SYT14: variants seen among roughly 807,000 people sequenced by gnomAD.
The protein encoded by SYT14 is synaptotagmin 14.
In SYT14, 32 loss-of-function variants were observed where a neutral mutation model predicts 74.2. The ratio of observed to expected loss-of-function variants is 0.43; its 90% CI spans 0.33 to 0.58. The LOEUF (loss-of-function observed/expected upper bound fraction) is 0.58, where lower values mean the gene tolerates loss of function less well. SYT14 is among the 20% of genes least tolerant of loss of function. The pLI is 0.05. For missense variants in SYT14, 791 were observed against 981.8 expected, an observed-to-expected ratio of 0.81 and a Z score of 2.60; for synonymous variants, 298 against 337.7, an observed-to-expected ratio of 0.88 and a Z score of 1.29.
chr1:210,142,182 C>T (rs1400582694), intron 7 of SYT14, among the ~76,000 whole-genome samples: 1 of 152,130 alleles, frequency 6.6e-6, no homozygotes, highest in African/African-American at 2.4e-5. Context: ...CCCATTCTTC[C>T]CCCCTCCAGC....
chr1:209,989,698 T>C (rs2079630961), intron 2 of SYT14, among the ~76,000 whole-genome samples: 1 of 152,170 alleles, frequency 6.6e-6, no homozygotes, highest in Non-Finnish European at 1.5e-5. Flanking sequence ...TATATTACTT[T>C]TTGAGCATGT....
chr1:209,949,340 C>T (rs185743376), intron 1 of SYT14, among the ~76,000 whole-genome samples: 6 of 151,970 alleles, frequency 3.9e-5, no homozygotes, highest in South Asian at 4.2e-4. Flanking sequence ...TATGGGAGGC[C>T]GAGGCGGGCG....
At chr1:209,962,226 T>G (rs1369118310) in intron 2 of SYT14, among the ~76,000 whole-genome samples, 1 of 151,908 alleles carries the variant, frequency 6.6e-6, no homozygotes, top group Non-Finnish European at 1.5e-5. Flanking sequence ...CTCTTATTTA[T>G]GCCATTTTCG....
chr1:210,076,019 T>C (rs569726348), intron 5 of SYT14, among the ~76,000 whole-genome samples: 2 of 152,342 alleles, frequency 1.3e-5, no homozygotes, highest in Non-Finnish European at 2.9e-5. Flanking sequence ...GGCAGCATTC[T>C]ATCTTACTGG....
At chr1:209,978,180 C>T (rs886273694) in intron 2 of SYT14, among the ~76,000 whole-genome samples, 2 of 149,800 alleles carry the variant, frequency 1.3e-5, no homozygotes, top group African/African-American at 4.9e-5. Context: ...GTAGTTTGAT[C>T]GTCTGAAGCC....
chr1:209,975,516 T>A (rs1211341602), intron 2 of SYT14, among the ~76,000 whole-genome samples: 1 of 152,244 alleles, frequency 6.6e-6, no homozygotes, highest in African/African-American at 2.4e-5. Flanking sequence ...TTTATTGATT[T>A]GTGTATGTTG....
intron 5 of SYT14, 108 bp from the exon 5 acceptor site, chr1:210,094,214 G>T: frequency 7.1e-7 from 1 of 1,416,678 alleles, no homozygotes. Context: ...TAGTTATGTT[G>T]CCATCAATTT....
intron 7 of SYT14, among the ~76,000 whole-genome samples, chr1:210,150,449 T>C (rs1465807239): frequency 6.6e-6 from 1 of 152,178 alleles, no homozygotes; most frequent in Non-Finnish European, 1.5e-5. Context: ...GCAATCATGC[T>C]CTTTCTTCCT....
At chr1:210,126,308 C>T (rs538072399) in intron 7 of SYT14, among the ~76,000 whole-genome samples, 36 of 151,830 alleles carry the variant, frequency 2.4e-4, no homozygotes, top group African/African-American at 8.0e-4. Flanking sequence ...AACACGTTTA[C>T]CCCTGAGATA....
intron 5 of SYT14, among the ~76,000 whole-genome samples, chr1:210,022,403 A>G (rs1169260807): frequency 6.6e-6 from 1 of 152,228 alleles, no homozygotes; most frequent in African/African-American, 2.4e-5. Flanking sequence ...ACCCTCAAAA[A>G]TACATTTTAG....
At position 209,968,307 on chromosome 1, in the gene SYT14, G is replaced by A. The variant is rs192734835; in HGVS notation, c.-486+15551G>A. 1.4e-3 allele frequency among the ~76,000 whole-genome samples: 213 copies of A among 151,944 alleles called. 2 individuals carry two copies. The highest frequency in any genetic ancestry group is 5.0e-3 in the African/African-American group (206 of 41,538). ...TAGGGGTCACTCTTGGTGTTCTACAGTATAAGGGTTTTAACAAATGTGTAA... is the reference window on the plus strand; with the variant it reads ...TAGGGGTCACTCTTGGTGTTCTACAATATAAGGGTTTTAACAAATGTGTAA... On this transcript the variant is annotated intron_variant, in intron 2 of 9. Coordinates refer to ENST00000637265, the Ensembl canonical transcript of SYT14.
At chr1:210,082,566 A>G (rs113772956) in intron 5 of SYT14, among the ~76,000 whole-genome samples, 1,692 of 152,338 alleles carry the variant, frequency 0.011, 41 homozygotes, top group African/African-American at 0.038. Context: ...AGGCATAACT[A>G]TAAGACCTAC....
exon 10 of SYT14, chr1:210,164,396 T>C (rs2083433674): frequency 5.7e-6 from 1 of 174,272 alleles, no homozygotes; most frequent in South Asian, 1.3e-4. Context: ...TGCCCAGGGC[T>C]GTTTGTTAAA....
chr1:210,162,069 C>T (rs1265862392), exon 10 of SYT14: 3 of 440,642 alleles, frequency 6.8e-6, no homozygotes, highest in Admixed American at 4.9e-5. Context: ...TAAATCTTCA[C>T]TCTTACTTCA....
intron 2 of SYT14, among the ~76,000 whole-genome samples, chr1:209,999,935 A>G (rs1203466637): frequency 6.6e-6 from 1 of 152,172 alleles, no homozygotes; most frequent in Non-Finnish European, 1.5e-5. Context: ...AATGATAAAT[A>G]CCTGAGGTGA....
chr1:210,029,156 A>G (rs928482592), intron 5 of SYT14, among the ~76,000 whole-genome samples: 2 of 152,132 alleles, frequency 1.3e-5, no homozygotes, highest in African/African-American at 2.4e-5. Flanking sequence ...AATTCTCCAT[A>G]TATTTTGGAT....
chr1:210,067,247 C>G (rs1289943466), intron 5 of SYT14, among the ~76,000 whole-genome samples: 2 of 151,956 alleles, frequency 1.3e-5, no homozygotes, highest in East Asian at 3.9e-4. Flanking sequence ...CTACTGTATT[C>G]TTCTTTTTCT....
exon 3 of SYT14, chr1:210,013,779 A>T (rs748278760): frequency 2.5e-6 from 4 of 1,611,770 alleles, no homozygotes; most frequent in Non-Finnish European, 3.4e-6. Context: ...TACAAGGAAG[A>T]ATTCACAAGA....
At position 210,085,608 on chromosome 1, in the gene SYT14, A is replaced by G. The variant is rs74519296; in HGVS notation, c.1313-8714A>G. 3.7e-3 allele frequency among the ~76,000 whole-genome samples: 565 copies of G among 152,330 alleles called. 5 individuals are homozygous for G. Among genetic ancestry groups the G allele is most frequent in the African/African-American group, 0.013 (537 of 41,576 alleles). On this transcript the variant is annotated intron_variant, in intron 5 of 9. Coordinates refer to ENST00000637265, the Ensembl canonical transcript of SYT14. ...ATAATGAATTTTATCAAATGCTTTT[A>G]GTAAGTCTTTTACAATTATCATATT...
Sources: gnomAD v4.1 joint callset for allele counts (sites outside exome capture counted in the v4.1 genomes callset) on GRCh38, gnomAD v4.1.1 for gene constraint, MANE v1.5 for transcripts, NCBI Gene and HGNC (gene_info 2026-07-23, HGNC 2026-07-21) for gene names.